THSD4: variants seen among roughly 807,000 people sequenced by gnomAD.
THSD4 encodes the protein thrombospondin type 1 domain containing 4.
In THSD4, 69 loss-of-function variants were observed where a neutral mutation model predicts 119.0. The ratio of observed to expected loss-of-function variants is 0.58; its 90% CI spans 0.48 to 0.71. The LOEUF (loss-of-function observed/expected upper bound fraction) is 0.71. THSD4 is among the 30% of genes least tolerant of loss of function. The probability of loss-of-function intolerance (pLI) is 0.00; values close to 1 mark genes in which losing one functional copy is unlikely to be tolerated. For synonymous variants in THSD4, 524 were observed against 540.4 expected (o/e 0.97, Z 0.42); for missense variants, 1,393 against 1,391.1 (o/e 1.00, Z -0.02).
At chr15:71,581,695 T>G (rs906141806) in intron 7 of THSD4, among the ~76,000 whole-genome samples, 1 of 152,204 alleles carries the variant, frequency 6.6e-6, no homozygotes, top group African/African-American at 2.4e-5. Context: ...GCATTGATTT[T>G]TGTGTAGAGA....
intron 6 of THSD4, among the ~76,000 whole-genome samples, chr15:71,330,996 C>T (rs1161447016): frequency 6.6e-6 from 1 of 152,234 alleles, no homozygotes; most frequent in Non-Finnish European, 1.5e-5. Flanking sequence ...CTAATTTGCT[C>T]TCCCACCTGT....
chr15:71,263,040 G>A (rs1313350078), intron 6 of THSD4, among the ~76,000 whole-genome samples: 1 of 151,826 alleles, frequency 6.6e-6, no homozygotes, highest in Non-Finnish European at 1.5e-5. Context: ...ATGGGGGGTT[G>A]TTATACAGAT....
chr15:71,473,083 GTC>G (rs2047606055), intron 7 of THSD4, among the ~76,000 whole-genome samples: 1 of 130,122 alleles, frequency 7.7e-6, no homozygotes. Context: ...TTGAGACAAA[GTC>G]TCACTCTGTG....
chr15:71,724,778 G>A (rs577995527), intron 8 of THSD4, among the ~76,000 whole-genome samples: 46 of 152,132 alleles, frequency 3.0e-4, no homozygotes, highest in Non-Finnish European at 4.9e-4. Flanking sequence ...GAAGAGAGGC[G>A]GAGGAGGTTA....
chr15:71,365,963 C>T (rs1044669873), intron 6 of THSD4, among the ~76,000 whole-genome samples: 1 of 152,190 alleles, frequency 6.6e-6, no homozygotes, highest in Non-Finnish European at 1.5e-5. Context: ...TAAATTACCA[C>T]TCCCCTCTCT....
At chr15:71,425,074 A>C (rs2046851732) in intron 7 of THSD4, among the ~76,000 whole-genome samples, 2 of 152,144 alleles carry the variant, frequency 1.3e-5, no homozygotes. Flanking sequence ...CCTTGCAAAA[A>C]AAAATAGCTG....
chr15:71,571,526 T>C (rs1004969060), intron 7 of THSD4, among the ~76,000 whole-genome samples: 11 of 152,214 alleles, frequency 7.2e-5, no homozygotes, highest in Non-Finnish European at 1.0e-4. Flanking sequence ...ATGTTCCCAC[T>C]GCATTAAGGC....
intron 8 of THSD4, among the ~76,000 whole-genome samples, chr15:71,670,351 AT>A (rs1245663846): frequency 6.6e-6 from 1 of 151,698 alleles, no homozygotes; most frequent in Non-Finnish European, 1.5e-5. Context: ...TGTCCTGGCA[AT>A]AGTTTGCTCA....
chr15:71,304,014 C>G (rs1026246548), intron 6 of THSD4, among the ~76,000 whole-genome samples: 8 of 152,192 alleles, frequency 5.3e-5, no homozygotes, highest in African/African-American at 1.9e-4. Flanking sequence ...AAGGACACGT[C>G]TCCAAGATAG....
chr15:71,772,109 A>C (rs2053832860), intron 17 of THSD4, among the ~76,000 whole-genome samples: 1 of 152,238 alleles, frequency 6.6e-6, no homozygotes, highest in Non-Finnish European at 1.5e-5. Context: ...TAGCTTCTTC[A>C]CAGTCTGCTA....
At chr15:71,724,068 TAA>T (rs71154796) in intron 8 of THSD4, among the ~76,000 whole-genome samples, 39 of 123,566 alleles carry the variant, frequency 3.2e-4, no homozygotes, top group African/African-American at 9.6e-4. Flanking sequence ...TGTCTTTATT[TAA>T]AAAAAAAAAA....
intron 10 of THSD4, among the ~76,000 whole-genome samples, chr15:71,734,564 T>G (rs889593174): frequency 6.6e-6 from 1 of 152,166 alleles, no homozygotes; most frequent in Non-Finnish European, 1.5e-5. Flanking sequence ...GATATTACAC[T>G]GGCGGATGCA....
chr15:71,768,217 G>T (rs542981808), intron 16 of THSD4, among the ~76,000 whole-genome samples: 1 of 151,802 alleles, frequency 6.6e-6, no homozygotes, highest in Non-Finnish European at 1.5e-5. Flanking sequence ...TTGCACATCA[G>T]TGGCCACTAA....
upstream of THSD4, among the ~76,000 whole-genome samples, chr15:71,112,981 C>T (rs1026623417): frequency 6.6e-6 from 1 of 152,106 alleles, no homozygotes; most frequent in Non-Finnish European, 1.5e-5. Context: ...GAGTTTGAGA[C>T]CAGCCTGGGC....
At chr15:71,625,155 C>T (rs940394907) in intron 7 of THSD4, among the ~76,000 whole-genome samples, 1 of 152,090 alleles carries the variant, frequency 6.6e-6, no homozygotes, top group African/African-American at 2.4e-5. Context: ...TGCAGATATG[C>T]ACTACCACCC....
At chr15:71,127,993 T>C (rs2040469674) in intron 1 of THSD4, among the ~76,000 whole-genome samples, 1 of 152,190 alleles carries the variant, frequency 6.6e-6, no homozygotes, top group African/African-American at 2.4e-5. Flanking sequence ...CGTCTTGTAG[T>C]ATTTCTCCTA....
intron 7 of THSD4, among the ~76,000 whole-genome samples, chr15:71,643,448 C>T (rs934044814): frequency 6.6e-6 from 1 of 152,018 alleles, no homozygotes; most frequent in East Asian, 1.9e-4. Context: ...TTTTCTGCTC[C>T]TCTCCTTTCT....
At chr15:71,747,579 C>G (rs1204860944) in intron 13 of THSD4, among the ~76,000 whole-genome samples, 1 of 152,120 alleles carries the variant, frequency 6.6e-6, no homozygotes, top group Non-Finnish European at 1.5e-5. Flanking sequence ...AGACGGGGAC[C>G]CCTTGAATCG....
chr15:71,234,386 A>ACCT (rs1343548474), intron 4 of THSD4, among the ~76,000 whole-genome samples: 1 of 151,818 alleles, frequency 6.6e-6, no homozygotes, highest in Non-Finnish European at 1.5e-5. Flanking sequence ...GCTCACTGCA[A>ACCT]CCTCCACCTC....
Sources: allele counts gnomAD v4.1 joint callset (sites outside exome capture counted in the v4.1 genomes callset), GRCh38; gene constraint gnomAD v4.1.1; transcripts MANE v1.5; gene names NCBI Gene and HGNC (gene_info 2026-07-23, HGNC 2026-07-21).